Variants in STX3 observed in about 807,000 individuals in gnomAD.
STX3 encodes syntaxin 3.
In STX3, 19 loss-of-function variants were observed where a neutral mutation model predicts 40.2. That is an observed-to-expected ratio of 0.47 (90% CI 0.33 to 0.69). The LOEUF is 0.69. Ranked by LOEUF, STX3 falls within the 30% of genes least tolerant of loss-of-function variation. The probability of loss-of-function intolerance (pLI) is 0.02; values close to 1 mark genes in which losing one functional copy is unlikely to be tolerated. For missense variants in STX3, 364 were observed against 366.7 expected (o/e 0.99, Z 0.06); for synonymous variants, 122 against 132.2 (o/e 0.92, Z 0.53).
chr11:59,797,435 C>T lies in STX3; in HGVS notation c.*30+39C>T, dbSNP rs546385039. ...TGGTTCTTGGGGACTCTGGATTTGG[C>T]TCCTCAAGAGGAAATTAGCTTGGGA... On this transcript the variant is annotated intron_variant, in intron 10 of 10. Coordinates refer to ENST00000337979, the MANE Select transcript of STX3 (RefSeq NM_004177.5). 2.2e-4 allele frequency: 329 copies of T among 1,496,976 alleles called. 4 individuals carry two copies. The South Asian group carries it at 3.6e-3, about 16-fold the overall frequency. The allele number at this position is 1,496,976 out of a possible 1,614,324, so 92.7% of individuals were successfully genotyped here.
At chr11:59,766,075 C>T (rs769284375) in intron 1 of STX3, among the ~76,000 whole-genome samples, 2 of 152,128 alleles carry the variant, frequency 1.3e-5, no homozygotes, top group Non-Finnish European at 2.9e-5. Context: ...ATTTCTTTGA[C>T]CCAGAAACTT....
chr11:59,800,595 C>G (rs1865832675), intron 10 of STX3: 1 of 985,426 alleles, frequency 1.0e-6, no homozygotes, highest in African/African-American at 1.7e-5. Context: ...CTTCCCACCA[C>G]GTCCTTCCAT....
At chr11:59,757,430 A>G (rs1456105362) in intron 1 of STX3, among the ~76,000 whole-genome samples, 2 of 152,216 alleles carry the variant, frequency 1.3e-5, no homozygotes, top group Non-Finnish European at 2.9e-5. Context: ...CTCATTGTCA[A>G]CAATGAGCAA....
chr11:59,793,235 T>A, intron 7 of STX3, 63 bp downstream of exon 7: 2 of 1,608,316 alleles, frequency 1.2e-6, no homozygotes, highest in Non-Finnish European at 8.5e-7. Context: ...ACTGCGGAGC[T>A]CATGCAGTCC....
chr11:59,772,274 C>T (rs575635845), intron 1 of STX3, among the ~76,000 whole-genome samples: 17 of 152,316 alleles, frequency 1.1e-4, no homozygotes, highest in Non-Finnish European at 1.5e-5. Flanking sequence ...ATGTGCTGTG[C>T]AGCAGCTGTC....
chr11:59,755,491 G>A lies in STX3; in HGVS notation c.-115G>A. 1.3e-5 allele frequency: 17 copies of A among 1,341,610 alleles called. No individual in the cohort carries two copies. The highest frequency in any genetic ancestry group is 1.6e-5 in the Non-Finnish European group (17 of 1,031,468). The allele number at this position is 1,341,610 out of a possible 1,614,324, so 83.1% of individuals were successfully genotyped here. On this transcript the variant is annotated 5_prime_UTR_variant, in exon 1 of 11. Coordinates refer to ENST00000337979, the MANE Select transcript of STX3 (RefSeq NM_004177.5). ...CCGCCCGCCGCCGCCTGCGCCTCCA[G>A]CTCCTTCGCCCCGGCGGGCCCGGCC...
rs1863053850 is a variant in STX3 at position 59,761,817 on chromosome 11, G to GTT, written c.30+6182_30+6183insTT. Among the ~76,000 whole-genome samples the GTT allele has an allele frequency of 1.1e-4, 16 of 151,836 alleles. No individual in the cohort carries two copies. The South Asian group carries it at 3.3e-3, about 32-fold the overall frequency. On this transcript the variant is annotated intron_variant, in intron 1 of 10. Transcript: ENST00000337979. ...TTAGGACAGCTCAGTATGGCATCAG[G>GTT]GTTTTTTTTTTTTTAATAAATTTTT... is the stretch of plus-strand genomic sequence containing the variant.
chr11:59,779,743 TG>T (rs1864232482), intron 2 of STX3, among the ~76,000 whole-genome samples: 1 of 151,786 alleles, frequency 6.6e-6, no homozygotes, highest in Non-Finnish European at 1.5e-5. Context: ...GGATAAATTG[TG>T]GGCATAGTGC....
chr11:59,787,116 C>A lies in STX3; in HGVS notation c.194C>A (p.Ser65Tyr), dbSNP rs145044710. The change falls in exon 3 of 11, where the codon TCT (serine) becomes TAT (tyrosine). Residue 65 changes from serine (S) to tyrosine (Y), a missense_variant. Coordinates refer to ENST00000337979, the MANE Select transcript of STX3 (RefSeq NM_004177.5). ...EAKKLYSIIL[S>Y]APIPEPKTKD... The stretch of plus-strand genomic sequence containing the variant: ...AAGAAACTCTACAGTATCATTCTCT[C>A]TGCACCGATTCCAGAGCCAAGTGAG... 2 of 1,614,160 alleles carry A rather than the reference C, an allele frequency of 1.2e-6. No individual in the cohort carries two copies.
chr11:59,801,373 C>T lies in STX3; in HGVS notation c.*549C>T. ...GAAAACATGAGGGACTGGCAGATGTCATTTTGGTCTAAAGAGCTGACTTGT... is the reference window on the plus strand; with the variant it reads ...GAAAACATGAGGGACTGGCAGATGTTATTTTGGTCTAAAGAGCTGACTTGT... On this transcript the variant is annotated 3_prime_UTR_variant, in exon 11 of 11. Coordinates refer to ENST00000337979, the MANE Select transcript of STX3 (RefSeq NM_004177.5). The T allele has an allele frequency of 1.0e-6, 1 of 988,970 alleles. No homozygotes were observed. The highest frequency in any genetic ancestry group is 1.2e-6 in the Non-Finnish European group (1 of 831,814). The allele number at this position is 988,970 out of a possible 1,614,324, so 61.3% of individuals were successfully genotyped here. A position where few individuals can be genotyped will look rare whatever the true frequency, so the allele number is the denominator to read the frequency against.
intron 3 of STX3, 74 bp downstream of exon 3, chr11:59,787,210 C>A: frequency 7.4e-7 from 1 of 1,358,188 alleles, no homozygotes; most frequent in Non-Finnish European, 1.0e-6. Flanking sequence ...TGTTTTCTTG[C>A]CCTTCGTGAG....
chr11:59,781,760 G>C, intron 2 of STX3: 3 of 1,549,872 alleles, frequency 1.9e-6, no homozygotes, highest in South Asian at 1.2e-5. Context: ...AGCAACATTT[G>C]TTTTCTAAAG....
chr11:59,755,361 GC>G, upstream of STX3: 2 of 325,208 alleles, frequency 6.1e-6, no homozygotes, highest in Non-Finnish European at 1.1e-5. Context: ...CTGCGCCGGC[GC>G]CGGCCCGGGA....
At position 59,795,413 on chromosome 11, in the gene STX3, A is replaced by C. The variant is rs773716865; in HGVS notation, c.717A>C (p.Thr239=). ...LDNIELNVMH[T]VDHVEKARDE... is the part of the protein sequence containing the mutation. ...ACATAGAGTTGAATGTCATGCACACAGTGGACCACGTGGAGAAGGCACGAG... is the reference window on the plus strand; with the variant it reads ...ACATAGAGTTGAATGTCATGCACACCGTGGACCACGTGGAGAAGGCACGAG... Residue 239 remains threonine (T), a synonymous_variant, in exon 9 of 11, where the codon ACA becomes ACC. Transcript: ENST00000337979. The C allele has an allele frequency of 1.2e-6, 2 of 1,613,746 alleles. No individual in the cohort carries two copies. The highest frequency in any genetic ancestry group is 1.7e-6 in the Non-Finnish European group (2 of 1,179,908).
At chr11:59,793,281 C>G (rs1453653521) in intron 7 of STX3, 99 bp from the exon 8 acceptor site, 3 of 1,606,252 alleles carry the variant, frequency 1.9e-6, no homozygotes, top group East Asian at 2.2e-5. Context: ...GCAGGGAGTT[C>G]AGGGAGGCAA....
intron 2 of STX3, among the ~76,000 whole-genome samples, chr11:59,778,131 G>C (rs978946898): frequency 6.6e-6 from 1 of 152,076 alleles, no homozygotes; most frequent in East Asian, 1.9e-4. Flanking sequence ...AAGTTACATA[G>C]CACATCACTT....
At position 59,800,838 on chromosome 11, in the gene STX3, C is replaced by T; in HGVS notation, c.*31-17C>T. On this transcript the variant is annotated splice_polypyrimidine_tract_variant and intron_variant, in intron 10 of 10. Coordinates refer to ENST00000337979, the MANE Select transcript of STX3 (RefSeq NM_004177.5). ...CTTCCTGTGTACTGATCAGCTCCTC[C>T]TTTCCCTGCCTCCTAGAAACTGATT... 6.5e-7 allele frequency: 1 copy of T among 1,536,468 alleles called. No homozygotes were observed. The highest frequency in any genetic ancestry group is 8.7e-7 in the Non-Finnish European group (1 of 1,146,906).
At chr11:59,776,354 G>A (rs1412278915) in intron 2 of STX3, among the ~76,000 whole-genome samples, 1 of 152,168 alleles carries the variant, frequency 6.6e-6, no homozygotes, top group Non-Finnish European at 1.5e-5. Context: ...CTATCACAGT[G>A]CCTGACATCT....
rs112028314 is a variant in STX3 at position 59,801,048 on chromosome 11, T to G, written c.*224T>G. The G allele has an allele frequency of 2.1e-4, 309 of 1,471,672 alleles. 1 individual carries two copies. In the African/African-American group the frequency reaches 2.5e-3, roughly 12 times the overall value. 91.2% of individuals were successfully genotyped at this position (1,471,672 alleles called of 1,614,324 possible). Reference sequence around the variant, plus strand: ...GCGACCCTGAGTTCTCCCCAGAGCCTCCTCCTGCCCCACCAGCTCTCAAGT... The same window carrying G: ...GCGACCCTGAGTTCTCCCCAGAGCCGCCTCCTGCCCCACCAGCTCTCAAGT... On this transcript the variant is annotated 3_prime_UTR_variant, in exon 11 of 11. Coordinates refer to ENST00000337979, the MANE Select transcript of STX3 (RefSeq NM_004177.5).
Sources: gnomAD v4.1 joint callset for allele counts (sites outside exome capture counted in the v4.1 genomes callset) on GRCh38, gnomAD v4.1.1 for gene constraint, MANE v1.5 for transcripts, NCBI Gene and HGNC (gene_info 2026-07-23, HGNC 2026-07-21) for gene names.